FARP2: variants seen among roughly 807,000 people sequenced by gnomAD.
The protein encoded by FARP2 is FERM, ARHGEF and pleckstrin domain-containing protein 2.
FARP2 carries 111 observed loss-of-function variants against 130.5 expected under a neutral mutation model. The observed-to-expected ratio is 0.85, with a 90% CI of 0.73 to 1.00. The LOEUF is 1.00. Among genes scored for constraint, FARP2 ranks in the 50% least tolerant of loss-of-function variants. The pLI is 0.00. For missense variants in FARP2, 1,385 were observed against 1,346.3 expected, an observed-to-expected ratio of 1.03 and a Z score of -0.45; for synonymous variants, 504 against 516.9, an observed-to-expected ratio of 0.98 and a Z score of 0.34.
At chr2:241,490,924 C>T (rs919883020) in intron 22 of FARP2, 137 bp from the exon 23 acceptor site, 8 of 710,662 alleles carry the variant, frequency 1.1e-5, no homozygotes, top group South Asian at 4.9e-5. Flanking sequence ...GGAGGGGACA[C>T]GTTTCCCAGT....
In FARP2 at chr2:241,468,349, C is replaced by CG; in HGVS notation, c.2106dup (p.His703AlafsTer3). On this transcript the variant is annotated frameshift_variant, in exon 18 of 27. Coordinates refer to ENST00000264042, the MANE Select transcript of FARP2 (RefSeq NM_014808.4). LOFTEE classifies it high-confidence loss of function. The stretch of plus-strand genomic sequence containing the variant: ...GCCGCCTATGCGGACATTACAGCCC[C>CG]GGGCACCATGACTACGCTGACTGCC... The CG allele has an allele frequency of 6.2e-7, 1 of 1,613,168 alleles. No individual in the cohort carries two copies. Among genetic ancestry groups the CG allele is most frequent in the Non-Finnish European group, 8.5e-7 (1 of 1,179,906 alleles).
chr2:241,483,609 C>A, intron 20 of FARP2, 76 bp downstream of exon 20: 1 of 1,470,834 alleles, frequency 6.8e-7, no homozygotes, highest in Non-Finnish European at 9.5e-7. Context: ...ACATCGCCTG[C>A]AGCGGCAGCC....
intron 13 of FARP2, among the ~76,000 whole-genome samples, chr2:241,456,259 G>A (rs4675812): frequency 0.58 from 87,766 of 151,998 alleles, 25,619 homozygotes; most frequent in Admixed American, 0.68. Context: ...TATATGATCC[G>A]TTTTTTAATG....
chr2:241,413,936 G>A lies in FARP2; in HGVS notation c.623+515G>A, dbSNP rs149178848. On this transcript the variant is annotated intron_variant, in intron 7 of 26. Transcript: ENST00000264042. ...CAGCCTGGCACCAGAGTGAAACTCC[G>A]TCTCAAAAAAAAAAAAAAAGGTGCT... Among the ~76,000 whole-genome samples, 684 of 145,442 alleles carry A rather than the reference G, an allele frequency of 4.7e-3. 3 individuals are homozygous for A. Among genetic ancestry groups the A allele is most frequent in the African/African-American group, 0.017 (650 of 38,998 alleles).
chr2:241,393,126 TCTC>T (rs2061948640), intron 2 of FARP2, among the ~76,000 whole-genome samples: 1 of 151,688 alleles, frequency 6.6e-6, no homozygotes, highest in Non-Finnish European at 1.5e-5. Context: ...TTCAAGCAAT[TCTC>T]CTGTCTCAGC....
chr2:241,409,425 C>G (rs1370708664), intron 5 of FARP2, among the ~76,000 whole-genome samples: 1 of 152,020 alleles, frequency 6.6e-6, no homozygotes, highest in Admixed American at 6.6e-5. Flanking sequence ...TGGCATGCAC[C>G]TGTAGTCCAG....
intron 13 of FARP2, among the ~76,000 whole-genome samples, chr2:241,456,139 A>G (rs1468445): frequency 0.14 from 21,800 of 152,194 alleles, 1,689 homozygotes; most frequent in East Asian, 0.2. Flanking sequence ...GAAAACAAAC[A>G]TGGTTTTAAG....
rs910570504 is a variant in FARP2, at chr2:241,494,610, C to T, written c.*485C>T. The T allele has an allele frequency of 6.6e-6, 1 of 152,362 alleles. No homozygotes were observed. Among genetic ancestry groups the T allele is most frequent in the Non-Finnish European group, 1.5e-5 (1 of 68,128 alleles). The allele number at this position is 152,362 out of a possible 1,614,324, so 9.4% of individuals were successfully genotyped here. A position where few individuals can be genotyped will look rare whatever the true frequency, so the allele number is the denominator to read the frequency against. The stretch of plus-strand genomic sequence containing the variant: ...CATGCTGACCTTCCATCTGGTGAAC[C>T]AAGTGGCAGCCCCAGGGGCCTGCCC... On this transcript the variant is annotated 3_prime_UTR_variant, in exon 27 of 27. Coordinates refer to ENST00000264042, the MANE Select transcript of FARP2 (RefSeq NM_014808.4). The surrounding 1 kb of genome is among the most constrained non-coding windows in gnomAD (Gnocchi z 4.9).
rs369372470 is a variant in FARP2, at chr2:241,441,478, C to T, written c.1333C>T (p.Arg445Cys). 70 of 1,614,032 alleles carry T rather than the reference C, an allele frequency of 4.3e-5. No homozygotes were observed. The highest frequency in any genetic ancestry group is 5.3e-5 in the African/African-American group (4 of 74,912). Residue 445 changes from arginine to cysteine, a missense_variant, in exon 13 of 27, where the codon CGC (arginine) becomes TGC (cysteine). Physicochemically the swap from Arg to Cys is radical, Grantham distance 180. Transcript: ENST00000264042. ...CGTCAAGAGTCCAGCTGCAGAGAGG[C>T]GCAGTGGAGCAGTGGCTGGAGGCCC... ...SYVKSPAAERRSGAVAGGPDT... is the reference protein window; with the variant it reads ...SYVKSPAAERCSGAVAGGPDT...
intron 8 of FARP2, among the ~76,000 whole-genome samples, chr2:241,420,598 A>G (rs377218678): frequency 1.3e-5 from 2 of 152,336 alleles, no homozygotes; most frequent in East Asian, 1.9e-4. Context: ...AATGGAGAAC[A>G]TAAAAACATT....
At chr2:241,397,075 A>G (rs868561419) in intron 2 of FARP2, among the ~76,000 whole-genome samples, 3 of 152,312 alleles carry the variant, frequency 2.0e-5, no homozygotes, top group East Asian at 1.9e-4. Context: ...TCAGTAAACT[A>G]TCTCAAGGAC....
chr2:241,443,660 C>T (rs939548370), intron 13 of FARP2: 4 of 152,304 alleles, frequency 2.6e-5, no homozygotes, highest in Admixed American at 6.5e-5. Flanking sequence ...CATCCAGGGA[C>T]GTCATGGGGA....
intron 12 of FARP2, among the ~76,000 whole-genome samples, chr2:241,437,218 T>G (rs1421718687): frequency 1.3e-5 from 2 of 152,244 alleles, no homozygotes; most frequent in Non-Finnish European, 2.9e-5. Flanking sequence ...GGAAACAAAT[T>G]TGTATCTCTA....
At chr2:241,401,635 G>A (rs529770116) in intron 2 of FARP2, among the ~76,000 whole-genome samples, 2 of 151,770 alleles carry the variant, frequency 1.3e-5, no homozygotes, top group African/African-American at 2.4e-5. Context: ...GTTCACAGGC[G>A]TGAGCTACCA....
intron 24 of FARP2, 79 bp from the exon 25 acceptor site, chr2:241,492,850 T>TA: frequency 1.3e-6 from 1 of 791,996 alleles, no homozygotes. Context: ...TGCAGAGGCT[T>TA]AGTCTTGGGG....
chr2:241,412,778 G>A (rs1429079123), intron 6 of FARP2, among the ~76,000 whole-genome samples: 1 of 152,178 alleles, frequency 6.6e-6, no homozygotes, highest in East Asian at 1.9e-4. Context: ...TATATTCCCA[G>A]CACATTTGGG....
At chr2:241,440,189 G>A (rs2063345648) in intron 12 of FARP2, among the ~76,000 whole-genome samples, 1 of 152,194 alleles carries the variant, frequency 6.6e-6, no homozygotes, top group Non-Finnish European at 1.5e-5. Context: ...ACACGTGCAT[G>A]TGTATATTGC....
At chr2:241,487,726 ATAGCT>A (rs1169697666) in intron 21 of FARP2, among the ~76,000 whole-genome samples, 1 of 143,806 alleles carries the variant, frequency 7.0e-6, no homozygotes, top group East Asian at 2.0e-4. Flanking sequence ...CTCTGATGTC[ATAGCT>A]TAGCCTAGCC....
At chr2:241,433,773 C>A (rs1009414720) in intron 9 of FARP2, among the ~76,000 whole-genome samples, 1 of 152,196 alleles carries the variant, frequency 6.6e-6, no homozygotes, top group South Asian at 2.1e-4. Context: ...CACCTGTAAT[C>A]CCAGTACCTT....
Sources: allele counts gnomAD v4.1 joint callset (sites outside exome capture counted in the v4.1 genomes callset), GRCh38; gene constraint gnomAD v4.1.1; non-coding constraint Gnocchi (gnomAD v3.1); transcripts MANE v1.5; gene names NCBI Gene and HGNC (gene_info 2026-07-23, HGNC 2026-07-21).